Variants in EGF observed in about 807,000 individuals in gnomAD.
EGF encodes epidermal growth factor, also known as pro-epidermal growth factor.
Under a neutral mutation model 143.8 loss-of-function variants are expected in EGF, and 95 were observed. The ratio of observed to expected loss-of-function variants is 0.66; its 90% CI spans 0.56 to 0.78. EGF has a LOEUF of 0.78. EGF is among the 30% of genes least tolerant of loss of function. EGF has a pLI of 0.00. For synonymous variants in EGF, 510 were observed against 510.5 expected, an observed-to-expected ratio of 1.00 and a Z score of 0.01; for missense variants, 1,320 against 1,470.9, an observed-to-expected ratio of 0.90 and a Z score of 1.68.
At chr4:109,917,042 T>C (rs1225710364) in intron 1 of EGF, among the ~76,000 whole-genome samples, 1 of 152,186 alleles carries the variant, frequency 6.6e-6, no homozygotes, top group Non-Finnish European at 1.5e-5. Context: ...TACCAACTGA[T>C]AAAAAATTTC....
intron 10 of EGF, among the ~76,000 whole-genome samples, chr4:109,966,407 G>GTA (rs1395756700): frequency 1.3e-5 from 2 of 151,954 alleles, no homozygotes; most frequent in Non-Finnish European, 2.9e-5. Flanking sequence ...GTATTCCATT[G>GTA]TATATATATG....
At chr4:109,927,806 CGTGTGTGTGTGTGTGTGT>C (rs57788647) in intron 1 of EGF, among the ~76,000 whole-genome samples, 3 of 136,316 alleles carry the variant, frequency 2.2e-5, no homozygotes, top group African/African-American at 5.7e-5. Flanking sequence ...TGAATTTTGC[CGTGTGTGTGTGTGTGTGT>C]GTGTGTGTGT....
chr4:109,913,193 C>A lies in EGF; in HGVS notation c.-143C>A. ...GAAGAAAGAGCTTGGAGGACAACAGCACAACAGGAGAGTAAAAGATGCCCC... is the reference window on the plus strand; with the variant it reads ...GAAGAAAGAGCTTGGAGGACAACAGAACAACAGGAGAGTAAAAGATGCCCC... On this transcript the variant is annotated 5_prime_UTR_variant, in exon 1 of 24. Transcript: ENST00000265171. The A allele has an allele frequency of 1.0e-6, 1 of 970,062 alleles. No homozygotes were observed. The highest frequency in any genetic ancestry group is 1.6e-6 in the Non-Finnish European group (1 of 624,638). The allele number at this position is 970,062 out of a possible 1,614,324, so 60.1% of individuals were successfully genotyped here.
At chr4:109,987,704 A>G in intron 16 of EGF, 40 bp from the exon 17 acceptor site, 1 of 1,524,770 alleles carries the variant, frequency 6.6e-7, no homozygotes, top group African/African-American at 1.4e-5. Context: ...TTCTTCTCTA[A>G]GGTCTAGAAA....
chr4:109,929,073 A>T (rs568132167), intron 1 of EGF, among the ~76,000 whole-genome samples: 48 of 152,224 alleles, frequency 3.2e-4, no homozygotes, highest in Non-Finnish European at 6.3e-4. Flanking sequence ...ATTATGGAAG[A>T]TGGATGTAGG....
At chr4:109,966,741 G>A (rs1018956899) in intron 10 of EGF, among the ~76,000 whole-genome samples, 1 of 152,072 alleles carries the variant, frequency 6.6e-6, no homozygotes, top group Admixed American at 6.6e-5. Context: ...ATTCTGATGG[G>A]TGTAAGAAGA....
chr4:110,006,807 G>C (rs1219423836), intron 22 of EGF, among the ~76,000 whole-genome samples: 4 of 152,232 alleles, frequency 2.6e-5, no homozygotes, highest in African/African-American at 9.6e-5. Context: ...GTCCCCCACA[G>C]CCGTCATAAC....
chr4:109,978,327 A>C (rs1183607820), intron 13 of EGF, among the ~76,000 whole-genome samples: 1 of 152,250 alleles, frequency 6.6e-6, no homozygotes, highest in African/African-American at 2.4e-5. Flanking sequence ...AGATATTCTT[A>C]ATTTAAAATG....
At chr4:109,989,601 C>G (rs1179576096) in intron 18 of EGF, among the ~76,000 whole-genome samples, 1 of 152,182 alleles carries the variant, frequency 6.6e-6, no homozygotes, top group East Asian at 1.9e-4. Context: ...TTTGTGGAAT[C>G]CACAGACATC....
intron 11 of EGF, among the ~76,000 whole-genome samples, chr4:109,970,846 AT>A (rs1747530565): frequency 1.3e-5 from 2 of 150,476 alleles, no homozygotes; most frequent in African/African-American, 2.5e-5. Flanking sequence ...AAAAAAAAAA[AT>A]CTGTTGATTT....
chr4:109,916,340 T>G (rs578047909), intron 1 of EGF, among the ~76,000 whole-genome samples: 1 of 152,140 alleles, frequency 6.6e-6, no homozygotes, highest in East Asian at 1.9e-4. Context: ...CTCCAAATAT[T>G]CAGTGGTGTT....
intron 13 of EGF, among the ~76,000 whole-genome samples, chr4:109,979,289 T>A (rs11569006): frequency 1.7e-3 from 261 of 151,262 alleles, no homozygotes; most frequent in African/African-American, 6.1e-3. Context: ...GGGAGAGAGG[T>A]TATAGTAGAC....
At chr4:110,001,493 C>T (rs558688424) in intron 21 of EGF, among the ~76,000 whole-genome samples, 3 of 151,908 alleles carry the variant, frequency 2.0e-5, no homozygotes, top group Non-Finnish European at 2.9e-5. Flanking sequence ...ATTGAATGAT[C>T]AATGGTTCAT....
At chr4:109,989,207 G>C (rs1035545099) in intron 18 of EGF, among the ~76,000 whole-genome samples, 2 of 152,178 alleles carry the variant, frequency 1.3e-5, no homozygotes, top group African/African-American at 2.4e-5. Context: ...TCAAGCCACT[G>C]ACGTTGAAAT....
intron 13 of EGF, 149 bp downstream of exon 13, chr4:109,976,384 A>G (rs1047217817): frequency 2.7e-6 from 2 of 751,540 alleles, no homozygotes; most frequent in South Asian, 3.0e-5. Context: ...CATGAGCTGC[A>G]AAGCTTACCT....
chr4:109,976,255 G>A lies in EGF; in HGVS notation c.2053+20G>A, dbSNP rs192700089. On this transcript the variant is annotated intron_variant, in intron 13 of 23. Transcript: ENST00000265171. Reference sequence around the variant, plus strand: ...ATGTAGGTGAGGCTTTGGGATGGGCGATTTTTTCATCTTGACTGAGTGTTT... The same window carrying A: ...ATGTAGGTGAGGCTTTGGGATGGGCAATTTTTTCATCTTGACTGAGTGTTT... 8.2e-5 allele frequency: 132 copies of A among 1,601,146 alleles called. No individual in the cohort carries two copies. The East Asian group carries it at 2.5e-3, about 31-fold the overall frequency.
At chr4:109,990,475 C>A (rs1437848397) in intron 18 of EGF, among the ~76,000 whole-genome samples, 1 of 152,098 alleles carries the variant, frequency 6.6e-6, no homozygotes, top group African/African-American at 2.4e-5. Flanking sequence ...TGGGAGGAGT[C>A]CAGGCATGAA....
chr4:109,943,773 A>G lies in EGF; in HGVS notation c.510-69A>G, dbSNP rs544835493. 3 of 1,345,668 alleles carry G rather than the reference A, an allele frequency of 2.2e-6. No individual in the cohort carries two copies. The Admixed American group carries it at 5.2e-5, about 23-fold the overall frequency. The allele number at this position is 1,345,668 out of a possible 1,614,324, so 83.4% of individuals were successfully genotyped here. A position where few individuals can be genotyped will look rare whatever the true frequency, so the allele number is the denominator to read the frequency against. ...TGCCCTGTGAAGGAGCTGCTGAAACATTGAGAGAGTTGGCCATTTAAGGCA... is the reference window on the plus strand; with the variant it reads ...TGCCCTGTGAAGGAGCTGCTGAAACGTTGAGAGAGTTGGCCATTTAAGGCA... On this transcript the variant is annotated intron_variant, in intron 3 of 23. Coordinates refer to ENST00000265171, the MANE Select transcript of EGF (RefSeq NM_001963.6).
intron 6 of EGF, among the ~76,000 whole-genome samples, chr4:109,960,662 A>G (rs1745536069): frequency 6.6e-6 from 1 of 152,174 alleles, no homozygotes; most frequent in Non-Finnish European, 1.5e-5. Flanking sequence ...ACAAAAGCAT[A>G]AAATGTGACA....
Sources: allele counts gnomAD v4.1 joint callset (sites outside exome capture counted in the v4.1 genomes callset), GRCh38; gene constraint gnomAD v4.1.1; transcripts MANE v1.5; gene names NCBI Gene and HGNC (gene_info 2026-07-23, HGNC 2026-07-21).